Variants in PTPRD observed in about 807,000 individuals in gnomAD.
PTPRD encodes the protein receptor-type tyrosine-protein phosphatase delta.
A neutral mutation model predicts 214.5 loss-of-function variants in PTPRD; 34 were observed. That is an observed-to-expected ratio of 0.16 (90% CI 0.12 to 0.21). The LOEUF is 0.21. Among genes scored for constraint, PTPRD ranks in the 10% least tolerant of loss-of-function variants. PTPRD has a pLI of 1.00. For synonymous variants in PTPRD, 1,128 were observed against 845.7 expected, an observed-to-expected ratio of 1.33 and a Z score of -5.79; for missense variants, 2,545 against 2,398.7, an observed-to-expected ratio of 1.06 and a Z score of -1.27.
At chr9:8,675,808 A>G (rs575213090) in intron 12 of PTPRD, among the ~76,000 whole-genome samples, 9 of 152,268 alleles carry the variant, frequency 5.9e-5, no homozygotes, top group African/African-American at 1.9e-4. Context: ...CAATTTTAGA[A>G]GCATTCCAAC....
At chr9:9,245,695 A>T (rs2099972745) in intron 9 of PTPRD, among the ~76,000 whole-genome samples, 1 of 152,276 alleles carries the variant, frequency 6.6e-6, no homozygotes, top group Non-Finnish European at 1.5e-5. Context: ...GGTGCAGCAC[A>T]CCAACATGGC....
chr9:8,997,797 C>T (rs558411453), intron 11 of PTPRD, among the ~76,000 whole-genome samples: 3 of 151,938 alleles, frequency 2.0e-5, no homozygotes, highest in South Asian at 4.1e-4. Context: ...ACTGTGAATG[C>T]AAAGGAAAAA....
intron 10 of PTPRD, among the ~76,000 whole-genome samples, chr9:9,139,320 T>C (rs2099856267): frequency 6.6e-6 from 1 of 152,146 alleles, no homozygotes; most frequent in South Asian, 2.1e-4. Flanking sequence ...CTTTATAATG[T>C]TGATGAGGAA....
At chr9:10,359,248 T>A (rs1047054895) in intron 2 of PTPRD, among the ~76,000 whole-genome samples, 2 of 152,142 alleles carry the variant, frequency 1.3e-5, no homozygotes, top group South Asian at 2.1e-4. Context: ...GAACATGGTG[T>A]ATGTATGTGT....
At chr9:10,500,907 T>C (rs1361813928) in intron 2 of PTPRD, among the ~76,000 whole-genome samples, 1 of 151,890 alleles carries the variant, frequency 6.6e-6, no homozygotes, top group African/African-American at 2.4e-5. Flanking sequence ...CCCTTTTGTA[T>C]ATATACCACG....
intron 3 of PTPRD, among the ~76,000 whole-genome samples, chr9:10,209,523 T>A (rs578069594): frequency 6.6e-6 from 1 of 152,234 alleles, no homozygotes; most frequent in East Asian, 1.9e-4. Flanking sequence ...CTTGCTCCCA[T>A]GTTCTCGCAT....
chr9:9,521,559 C>A (rs912059721), intron 8 of PTPRD, among the ~76,000 whole-genome samples: 1 of 152,116 alleles, frequency 6.6e-6, no homozygotes, highest in African/African-American at 2.4e-5. Flanking sequence ...TGCACTTTCT[C>A]TAAAAGCAAG....
chr9:9,641,096 A>T, intron 7 of PTPRD, among the ~76,000 whole-genome samples: 1 of 91,678 alleles, frequency 1.1e-5, no homozygotes, highest in Non-Finnish European at 3.2e-5. Flanking sequence ...AGCTTTAAAT[A>T]GCTCAATGGA....
intron 14 of PTPRD, among the ~76,000 whole-genome samples, chr9:8,531,569 T>C (rs1414652044): frequency 6.6e-6 from 1 of 152,148 alleles, no homozygotes; most frequent in Non-Finnish European, 1.5e-5. Context: ...GTTGTTGTTA[T>C]GTTCCATTTT....
intron 12 of PTPRD, among the ~76,000 whole-genome samples, chr9:8,702,637 A>G (rs2098114839): frequency 6.6e-6 from 1 of 152,212 alleles, no homozygotes; most frequent in Non-Finnish European, 1.5e-5. Context: ...TCTTTTAGAC[A>G]GAGTCTTGCT....
chr9:9,761,312 T>C (rs1389243731), intron 6 of PTPRD, among the ~76,000 whole-genome samples: 1 of 152,230 alleles, frequency 6.6e-6, no homozygotes, highest in Non-Finnish European at 1.5e-5. Flanking sequence ...CATTTATATA[T>C]CATGTTTAAA....
intron 11 of PTPRD, among the ~76,000 whole-genome samples, chr9:8,864,038 A>C (rs531860520): frequency 1.3e-5 from 2 of 152,286 alleles, no homozygotes; most frequent in Middle Eastern, 3.4e-3. Context: ...CAGAGACCAA[A>C]AACTGATGAA....
intron 8 of PTPRD, among the ~76,000 whole-genome samples, chr9:9,528,399 T>C (rs1294090886): frequency 3.3e-5 from 5 of 152,156 alleles, no homozygotes; most frequent in Admixed American, 1.3e-4. Flanking sequence ...GAAGAATATT[T>C]CTTTAGTTTG....
intron 3 of PTPRD, among the ~76,000 whole-genome samples, chr9:10,132,834 C>T (rs1362558990): frequency 1.3e-5 from 2 of 152,150 alleles, no homozygotes; most frequent in Non-Finnish European, 2.9e-5. Context: ...TGACAGCCAA[C>T]ATCTAAGATG....
intron 32 of PTPRD, 83 bp from the exon 33 acceptor site, chr9:8,460,654 C>A (rs2134170736): frequency 2.2e-6 from 3 of 1,377,400 alleles, no homozygotes; most frequent in Non-Finnish European, 3.0e-6. Flanking sequence ...AGCAAAAAAT[C>A]CAGGAAATAG....
At chr9:8,971,599 T>C (rs1157707845) in intron 11 of PTPRD, among the ~76,000 whole-genome samples, 1 of 151,758 alleles carries the variant, frequency 6.6e-6, no homozygotes, top group Non-Finnish European at 1.5e-5. Context: ...TAATTACATG[T>C]TTAGATTCTA....
chr9:10,263,794 C>G (rs183515883), intron 3 of PTPRD, among the ~76,000 whole-genome samples: 121 of 152,222 alleles, frequency 7.9e-4, no homozygotes, highest in African/African-American at 2.7e-3. Context: ...GAAAACGTCC[C>G]TAGGGCATGT....
chr9:8,817,138 A>C (rs2096936759), intron 11 of PTPRD, among the ~76,000 whole-genome samples: 1 of 152,216 alleles, frequency 6.6e-6, no homozygotes, highest in South Asian at 2.1e-4. Flanking sequence ...TATGTTACTG[A>C]CATAGTTTCA....
At chr9:8,391,360 T>G (rs2089485384) in intron 36 of PTPRD, among the ~76,000 whole-genome samples, 1 of 152,138 alleles carries the variant, frequency 6.6e-6, no homozygotes, top group Non-Finnish European at 1.5e-5. Flanking sequence ...TGAGCAAAAC[T>G]TGAAATGCAT....
Sources: allele counts gnomAD v4.1 joint callset (sites outside exome capture counted in the v4.1 genomes callset), GRCh38; gene constraint gnomAD v4.1.1; transcripts MANE v1.5; gene names NCBI Gene and HGNC (gene_info 2026-07-23, HGNC 2026-07-21).